SLC25A24: variants seen among roughly 807,000 people sequenced by gnomAD.
SLC25A24 encodes solute carrier family 25 member 24, also known as mitochondrial adenyl nucleotide antiporter SLC25A24.
Under a neutral mutation model 60.7 loss-of-function variants are expected in SLC25A24, and 49 were observed. The observed-to-expected ratio is 0.81, with a 90% CI of 0.64 to 1.02. SLC25A24 has a LOEUF of 1.02. Among genes scored for constraint, SLC25A24 ranks in the 50% least tolerant of loss-of-function variants. SLC25A24 has a pLI of 0.00. For missense variants in SLC25A24, 564 were observed against 586.3 expected (o/e 0.96, Z 0.39); for synonymous variants, 202 against 200.6 (o/e 1.01, Z -0.06).
At position 108,157,557 on chromosome 1, in the gene SLC25A24, C is replaced by T. The variant is rs778013594; in HGVS notation, c.574G>A (p.Gly192Arg). 8.7e-6 allele frequency: 14 copies of T among 1,613,954 alleles called. No individual in the cohort carries two copies. The highest frequency in any genetic ancestry group is 5.3e-5 in the African/African-American group (4 of 74,868). Residue 192 changes from glycine (G) to arginine (R), a missense_variant, in exon 5 of 10, where the codon GGA (glycine) becomes AGA (arginine). Gly to Arg is a moderately radical substitution (Grantham distance 125, BLOSUM62 -2). Transcript: ENST00000565488. ...GCCAAAAGCTGCCTCCACCATTGTCCGGATTTTTTTTCGTCTTCCGTGAAT... is the reference window on the plus strand; with the variant it reads ...GCCAAAAGCTGCCTCCACCATTGTCTGGATTTTTTTTCGTCTTCCGTGAAT... The part of the protein sequence containing the change: ...DEFTEDEKKS[G>R]QWWRQLLAGG...
chr1:108,179,185 A>C (rs1471264512), intron 3 of SLC25A24, among the ~76,000 whole-genome samples: 2 of 151,914 alleles, frequency 1.3e-5, no homozygotes, highest in African/African-American at 4.8e-5. Flanking sequence ...AGCCACAATG[A>C]GATATCACCT....
chr1:108,134,407 T>C lies in SLC25A24; in HGVS notation c.*2246A>G, dbSNP rs1254664521. The C allele has an allele frequency of 2.0e-5, 3 of 152,242 alleles. No homozygotes were observed. The highest frequency in any genetic ancestry group is 7.2e-5 in the African/African-American group (3 of 41,468). 9.4% of individuals were successfully genotyped at this position (152,242 alleles called of 1,614,324 possible). A position where few individuals can be genotyped will look rare whatever the true frequency, so the allele number is the denominator to read the frequency against. On this transcript the variant is annotated 3_prime_UTR_variant, in exon 10 of 10. Coordinates refer to ENST00000565488, the MANE Select transcript of SLC25A24 (RefSeq NM_013386.5). ...ATCTGCATTATGAAATTTTAAAAAA[T>C]TACTTACCAGTGAATTCAACTTAGA...
At chr1:108,151,197 T>G (rs1046969347) in intron 6 of SLC25A24, among the ~76,000 whole-genome samples, 2 of 151,774 alleles carry the variant, frequency 1.3e-5, no homozygotes, top group Non-Finnish European at 2.9e-5. Flanking sequence ...TGAGACTCCA[T>G]CTCAAAAACA....
intron 3 of SLC25A24, among the ~76,000 whole-genome samples, chr1:108,168,922 C>T (rs1361572400): frequency 6.6e-6 from 1 of 152,172 alleles, no homozygotes; most frequent in Non-Finnish European, 1.5e-5. Flanking sequence ...TTCTTCCCTA[C>T]ACTGAGATAA....
chr1:108,160,040 G>C (rs1392143030), intron 4 of SLC25A24, among the ~76,000 whole-genome samples: 4 of 152,016 alleles, frequency 2.6e-5, no homozygotes, highest in Non-Finnish European at 5.9e-5. Flanking sequence ...CTGTAGGGGC[G>C]GCCGGGCAGA....
At position 108,134,060 on chromosome 1, in the gene SLC25A24, AT is replaced by A. The variant is rs1316548425; in HGVS notation, c.*2592del. 2 of 152,228 alleles carry A rather than the reference AT, an allele frequency of 1.3e-5. No homozygotes were observed. The highest frequency in any genetic ancestry group is 4.8e-5 in the African/African-American group (2 of 41,472). The allele number at this position is 152,228 out of a possible 1,614,324, so 9.4% of individuals were successfully genotyped here. A position where few individuals can be genotyped will look rare whatever the true frequency, so the allele number is the denominator to read the frequency against. On this transcript the variant is annotated 3_prime_UTR_variant, in exon 10 of 10. Coordinates refer to ENST00000565488, the MANE Select transcript of SLC25A24 (RefSeq NM_013386.5). Reference sequence around the variant, plus strand: ...GTACAATCTCTGCTTGCATAAATTTATTCTCTTGACTGGGAGACAAGACTAA... The same window carrying A: ...GTACAATCTCTGCTTGCATAAATTTATCTCTTGACTGGGAGACAAGACTAA...
chr1:108,196,021 AT>A (rs1648487548), intron 1 of SLC25A24, among the ~76,000 whole-genome samples: 1 of 151,958 alleles, frequency 6.6e-6, no homozygotes, highest in Non-Finnish European at 1.5e-5. Flanking sequence ...AAAAAAAGCA[AT>A]ATTAATGAAA....
Position 108,139,088 on chromosome 1 carries a change from C to A in SLC25A24, c.1219G>T (p.Ala407Ser). Residue 407 changes from alanine (A) to serine (S), a missense_variant, in exon 9 of 10, where the codon GCT (alanine) becomes TCT (serine). Physicochemically the swap from Ala to Ser is moderately conservative, Grantham distance 99. Coordinates refer to ENST00000565488, the MANE Select transcript of SLC25A24 (RefSeq NM_013386.5). ...GCCTGCATGCGAGTTCTCACCAAAG[C>A]CAATGGGTAGCTGGCCAGCTGACCA... ...TCGQLASYPL[A>S]LVRTRMQAQA... The A allele has an allele frequency of 6.2e-7, 1 of 1,606,668 alleles. No homozygotes were observed. The highest frequency in any genetic ancestry group is 8.5e-7 in the Non-Finnish European group (1 of 1,176,526).
At chr1:108,175,032 G>A (rs183934899) in intron 3 of SLC25A24, among the ~76,000 whole-genome samples, 3 of 152,260 alleles carry the variant, frequency 2.0e-5, no homozygotes, top group African/African-American at 4.8e-5. Flanking sequence ...TTAGGTTAAC[G>A]CTGGAATGAG....
At chr1:108,169,462 T>C (rs1477082705) in intron 3 of SLC25A24, among the ~76,000 whole-genome samples, 1 of 152,236 alleles carries the variant, frequency 6.6e-6, no homozygotes, top group Non-Finnish European at 1.5e-5. Flanking sequence ...GCTGCTCTTA[T>C]GAATGCATTG....
intron 3 of SLC25A24, among the ~76,000 whole-genome samples, chr1:108,167,716 G>A (rs971968955): frequency 1.4e-4 from 21 of 152,202 alleles, no homozygotes; most frequent in Admixed American, 7.9e-4. Context: ...AGATGAACCC[G>A]GTACCTCAGA....
chr1:108,147,641 T>C (rs114753103), intron 7 of SLC25A24, among the ~76,000 whole-genome samples: 1,637 of 152,302 alleles, frequency 0.011, 27 homozygotes, highest in African/African-American at 0.037. Context: ...AATGAAAGGA[T>C]GTCTAATTAG....
rs540218715 is a variant in SLC25A24, at chr1:108,194,306, G to A, written c.183+5650C>T. 2.2e-5 allele frequency among the ~76,000 whole-genome samples: 3 copies of A among 138,448 alleles called. 1 individual carries two copies. The South Asian group carries it at 8.4e-4, about 39-fold the overall frequency. 90.8% of individuals were successfully genotyped at this position (138,448 alleles called of 152,430 possible). A position where few individuals can be genotyped will look rare whatever the true frequency, so the allele number is the denominator to read the frequency against. ...AATGTCTAATGCTGTTTCACAAGAT[G>A]TGCTGTGGCCCAATCAAGAATGAAT... is the stretch of plus-strand genomic sequence containing the variant. On this transcript the variant is annotated intron_variant, in intron 1 of 9. Transcript: ENST00000565488.
chr1:108,169,331 A>G (rs829006), intron 3 of SLC25A24, among the ~76,000 whole-genome samples: 109,687 of 151,988 alleles, frequency 0.72, 40,276 homozygotes, highest in African/African-American at 0.86. Context: ...AGCTTGACAA[A>G]TTCCTCAAAA....
At chr1:108,167,371 C>G (rs1188350296) in intron 3 of SLC25A24, among the ~76,000 whole-genome samples, 1 of 151,772 alleles carries the variant, frequency 6.6e-6, no homozygotes, top group African/African-American at 2.4e-5. Context: ...TGGGCAATGG[C>G]GGGTGCCCCT....
chr1:108,192,507 C>G lies in SLC25A24; in HGVS notation c.184-6553G>C, dbSNP rs753629196. 1.1e-5 allele frequency: 17 copies of G among 1,494,960 alleles called. 2 individuals are homozygous for G. Among genetic ancestry groups the G allele is most frequent in the Non-Finnish European group, 1.5e-5 (17 of 1,110,976 alleles). 92.6% of individuals were successfully genotyped at this position (1,494,960 alleles called of 1,614,324 possible). A position where few individuals can be genotyped will look rare whatever the true frequency, so the allele number is the denominator to read the frequency against. ...CCAGTGAGACCCACCTTCGCTTCCT[C>G]TAGAGATTGAATGGCCCCTACATCC... On this transcript the variant is annotated intron_variant, in intron 1 of 9. Coordinates refer to ENST00000565488, the MANE Select transcript of SLC25A24 (RefSeq NM_013386.5).
At chr1:108,179,281 CCT>C (rs1189171180) in intron 3 of SLC25A24, among the ~76,000 whole-genome samples, 2 of 151,888 alleles carry the variant, frequency 1.3e-5, no homozygotes, top group African/African-American at 4.8e-5. Context: ...ACTTTTGCAC[CCT>C]GTTGGTGAGG....
chr1:108,156,068 T>A (rs1679890213), intron 5 of SLC25A24, among the ~76,000 whole-genome samples: 1 of 151,936 alleles, frequency 6.6e-6, no homozygotes, highest in African/African-American at 2.4e-5. Context: ...CACCAAAGGC[T>A]CAGGTGAGCT....
chr1:108,196,859 C>G (rs1179882861), intron 1 of SLC25A24, among the ~76,000 whole-genome samples: 1 of 151,926 alleles, frequency 6.6e-6, no homozygotes, highest in Non-Finnish European at 1.5e-5. Flanking sequence ...GAAGGAGGTG[C>G]GTAAAGAGAA....
Sources: allele counts gnomAD v4.1 joint callset (sites outside exome capture counted in the v4.1 genomes callset), GRCh38; gene constraint gnomAD v4.1.1; transcripts MANE v1.5; gene names NCBI Gene and HGNC (gene_info 2026-07-23, HGNC 2026-07-21).